HMCN1: variants seen among roughly 807,000 people sequenced by gnomAD.
The protein encoded by HMCN1 is hemicentin-1.
HMCN1 carries 321 observed loss-of-function variants against 625.9 expected under a neutral mutation model. The ratio of observed to expected loss-of-function variants is 0.51; its 90% CI spans 0.47 to 0.56. HMCN1 has a LOEUF of 0.56. Ranked by LOEUF, HMCN1 falls within the 20% of genes least tolerant of loss-of-function variation. The pLI, the probability that HMCN1 is intolerant of heterozygous loss-of-function variation, is 0.00. For missense variants in HMCN1, 6,588 were observed against 6,887.3 expected, an observed-to-expected ratio of 0.96 and a Z score of 1.54; for synonymous variants, 2,425 against 2,417.6, an observed-to-expected ratio of 1.00 and a Z score of -0.09.
intron 1 of HMCN1, among the ~76,000 whole-genome samples, chr1:185,826,849 T>C (rs1660543828): frequency 6.6e-6 from 1 of 152,054 alleles, no homozygotes; most frequent in Non-Finnish European, 1.5e-5. Context: ...TTCCAACAAA[T>C]AGCTGGTACA....
chr1:185,831,412 A>G (rs1660853527), intron 1 of HMCN1, among the ~76,000 whole-genome samples: 1 of 152,210 alleles, frequency 6.6e-6, no homozygotes, highest in African/African-American at 2.4e-5. Context: ...GATAAAATGT[A>G]TCTGTTTCAA....
At chr1:186,129,814 T>A in intron 83 of HMCN1, 152 bp from the exon 84 acceptor site, 2 of 878,578 alleles carry the variant, frequency 2.3e-6, no homozygotes, top group Non-Finnish European at 3.7e-6. Context: ...ATAGCTCAGA[T>A]GAAGAAATGT....
At position 186,041,115 on chromosome 1, in the gene HMCN1, G is replaced by C; in HGVS notation, c.6283G>C (p.Asp2095His). The C allele has an allele frequency of 6.2e-7, 1 of 1,612,856 alleles. No individual in the cohort carries two copies. Among genetic ancestry groups the C allele is most frequent in the Non-Finnish European group, 8.5e-7 (1 of 1,179,140 alleles). Residue 2095 changes from aspartate (D) to histidine (H), a missense_variant, in exon 40 of 107, where the codon GAC becomes CAC. This residue lies in a region of HMCN1 where 4,628 missense variants were observed against 4,853.1 expected (regional missense o/e 0.95). Transcript: ENST00000271588. ...AVNAAGEKQR[D>H]IDLRVYVPPN... Reference sequence around the variant, plus strand: ...GAATGCTGCTGGAGAAAAGCAAAGGGACATTGACCTCCGAGTATATGGTGA... The same window carrying C: ...GAATGCTGCTGGAGAAAAGCAAAGGCACATTGACCTCCGAGTATATGGTGA...
At chr1:185,821,395 A>G (rs558502640) in intron 1 of HMCN1, among the ~76,000 whole-genome samples, 2 of 152,224 alleles carry the variant, frequency 1.3e-5, no homozygotes, top group East Asian at 3.9e-4. Flanking sequence ...ATTGGTAGAA[A>G]GGTTTAGGAA....
intron 48 of HMCN1, among the ~76,000 whole-genome samples, chr1:186,065,034 A>T (rs1658016774): frequency 6.6e-6 from 1 of 152,150 alleles, no homozygotes; most frequent in African/African-American, 2.4e-5. Flanking sequence ...AATGATTTAT[A>T]ATCTATGCAT....
chr1:185,953,106 G>A lies in HMCN1; in HGVS notation c.1829-9412G>A, dbSNP rs375494396. 6.6e-5 allele frequency among the ~76,000 whole-genome samples: 10 copies of A among 151,146 alleles called. 1 individual carries two copies. Among genetic ancestry groups the A allele is most frequent in the African/African-American group, 2.2e-4 (9 of 40,948 alleles). ...GTACTTGCCCCTCCCCCAGAAAAGC[G>A]GGACTTGCCACTAAGGGTGAAGGAG... On this transcript the variant is annotated intron_variant, in intron 11 of 106. Transcript: ENST00000271588.
chr1:186,139,202 T>TA (rs546087655), intron 89 of HMCN1, among the ~76,000 whole-genome samples: 9 of 152,170 alleles, frequency 5.9e-5, no homozygotes, highest in Non-Finnish European at 8.8e-5. Flanking sequence ...AGACAGCTAA[T>TA]AAAAAATGAA....
rs1652269144 is a variant in HMCN1, at chr1:186,172,086, C to A, written c.15769C>A (p.Leu5257Ile). The change falls in exon 102 of 107, where the codon CTT becomes ATT. Residue 5257 changes from leucine (L) to isoleucine (I), a missense_variant. Leu to Ile is a conservative substitution (Grantham distance 5, BLOSUM62 2). Around this residue, in one of 3 missense-constraint regions of HMCN1, gnomAD observed 1,954 missense variants for 2,013.1 expected, o/e 0.97. Transcript: ENST00000271588. ...CCGTGGTGGCTATAAGTGCATTGATCTTTGTCCAAATGGAATGACCAAGGC... is the reference window on the plus strand; with the variant it reads ...CCGTGGTGGCTATAAGTGCATTGATATTTGTCCAAATGGAATGACCAAGGC... ...NTRGGYKCID[L>I]CPNGMTKAEN... 1 of 1,613,708 alleles carries A rather than the reference C, an allele frequency of 6.2e-7. No individual in the cohort carries two copies. The highest frequency in any genetic ancestry group is 1.1e-5 in the South Asian group (1 of 91,078).
intron 11 of HMCN1, among the ~76,000 whole-genome samples, chr1:185,952,782 G>A (rs1390215891): frequency 2.0e-5 from 3 of 151,708 alleles, no homozygotes; most frequent in Non-Finnish European, 4.4e-5. Context: ...CTTGCCCATA[G>A]TGAAGGAGGC....
intron 1 of HMCN1, among the ~76,000 whole-genome samples, chr1:185,778,905 C>G (rs1656830554): frequency 6.6e-6 from 1 of 152,152 alleles, no homozygotes. Context: ...GTTCTAGATC[C>G]TTGAGGAATT....
At chr1:185,794,371 T>G (rs1330635504) in intron 1 of HMCN1, among the ~76,000 whole-genome samples, 1 of 145,666 alleles carries the variant, frequency 6.9e-6, no homozygotes, top group East Asian at 1.9e-4. Flanking sequence ...GTGAGTTTAT[T>G]AAGGAGTATT....
intron 102 of HMCN1, 110 bp downstream of exon 102, chr1:186,172,241 C>A: frequency 6.8e-7 from 1 of 1,461,126 alleles, no homozygotes. Context: ...ACAAGGAAAT[C>A]TTTCTTTTTC....
chr1:185,989,498 T>G lies in HMCN1; in HGVS notation c.3059T>G (p.Leu1020Arg). The G allele has an allele frequency of 6.2e-7, 1 of 1,613,988 alleles. No homozygotes were observed. Among genetic ancestry groups the G allele is most frequent in the Non-Finnish European group, 8.5e-7 (1 of 1,179,984 alleles). Residue 1020 changes from leucine to arginine, a missense_variant, in exon 21 of 107, where the codon CTG becomes CGG. Around this residue, in one of 3 missense-constraint regions of HMCN1, gnomAD observed 4,628 missense variants for 4,853.1 expected, o/e 0.95. Transcript: ENST00000271588. The stretch of plus-strand genomic sequence containing the variant: ...CGCCGTGTTTTGCAGAAAGGAGAGC[T>G]GATTTCAACCAGCAGTGCTAAGTTT... ...PSVIWSKKGE[L>R]ISTSSAKFSA...
chr1:186,117,394 T>G (rs2102480949), intron 76 of HMCN1, 65 bp from the exon 77 acceptor site: 1 of 1,561,584 alleles, frequency 6.4e-7, no homozygotes, highest in Admixed American at 1.7e-5. Flanking sequence ...ATGATAAGTC[T>G]TTGGAAATCT....
chr1:185,946,493 G>A (rs1397816400), intron 11 of HMCN1, among the ~76,000 whole-genome samples: 3 of 152,154 alleles, frequency 2.0e-5, no homozygotes, highest in African/African-American at 4.8e-5. Context: ...TAAGCCAAAT[G>A]GGAAGGCAAG....
intron 1 of HMCN1, among the ~76,000 whole-genome samples, chr1:185,811,277 G>A (rs1659496563): frequency 6.6e-6 from 1 of 152,112 alleles, no homozygotes; most frequent in African/African-American, 2.4e-5. Flanking sequence ...TGTGTGCCCT[G>A]CCCTCCACTG....
chr1:186,152,812 G>C lies in HMCN1; in HGVS notation c.14959G>C (p.Asp4987His). The change falls in exon 96 of 107, where the codon GAT becomes CAT. Residue 4987 changes from aspartate to histidine, a missense_variant. Physicochemically the swap from Asp to His is moderately conservative, Grantham distance 81. Around this residue, in one of 3 missense-constraint regions of HMCN1, gnomAD observed 1,954 missense variants for 2,013.1 expected, o/e 0.97. Coordinates refer to ENST00000271588, the MANE Select transcript of HMCN1 (RefSeq NM_031935.3). ...GGATTCCGATGGTTCTTTGCTGCTA[G>C]ATATCGTTGTGAGTGGCTATGTCCT... ...GLDSDGSLLL[D>H]IVVSGYVLQL... 2 of 1,614,034 alleles carry C rather than the reference G, an allele frequency of 1.2e-6. No homozygotes were observed. The highest frequency in any genetic ancestry group is 1.7e-6 in the Non-Finnish European group (2 of 1,179,902).
At chr1:185,831,091 A>G (rs193055906) in intron 1 of HMCN1, among the ~76,000 whole-genome samples, 1 of 152,322 alleles carries the variant, frequency 6.6e-6, no homozygotes, top group Admixed American at 6.5e-5. Flanking sequence ...TCAAAATTTA[A>G]TAACATTTTC....
chr1:185,938,693 G>A (rs1387661091), intron 11 of HMCN1, among the ~76,000 whole-genome samples: 1 of 152,054 alleles, frequency 6.6e-6, no homozygotes, highest in Non-Finnish European at 1.5e-5. Flanking sequence ...AGAAGCAAAT[G>A]TCCCAGTGGC....
Sources: allele counts gnomAD v4.1 joint callset (sites outside exome capture counted in the v4.1 genomes callset), GRCh38; gene constraint gnomAD v4.1.1; regional missense constraint gnomAD v4.1.1; transcripts MANE v1.5; gene names NCBI Gene and HGNC (gene_info 2026-07-23, HGNC 2026-07-21).